MAPK10: variants seen among roughly 807,000 people sequenced by gnomAD.
MAPK10 encodes the protein JNK3 alpha protein kinase.
MAPK10 carries 25 observed loss-of-function variants against 59.3 expected under a neutral mutation model. That is an observed-to-expected ratio of 0.42 (90% confidence interval 0.31 to 0.59). The LOEUF is 0.59. Ranked by LOEUF, MAPK10 falls within the 20% of genes least tolerant of loss-of-function variation. The probability of loss-of-function intolerance (pLI) is 0.15; values close to 1 mark genes in which losing one functional copy is unlikely to be tolerated. For synonymous variants in MAPK10, 190 were observed against 200.5 expected, an observed-to-expected ratio of 0.95 and a Z score of 0.44; for missense variants, 351 against 568.9, an observed-to-expected ratio of 0.62 and a Z score of 3.90.
chr4:86,279,866 T>C (rs1249365031), intron 2 of MAPK10, among the ~76,000 whole-genome samples: 3 of 152,176 alleles, frequency 2.0e-5, no homozygotes, highest in African/African-American at 7.2e-5. Context: ...TTCCCGCCCA[T>C]CTTCCAACCC....
chr4:86,287,979 C>A (rs928439682), intron 2 of MAPK10, among the ~76,000 whole-genome samples: 1 of 151,986 alleles, frequency 6.6e-6, no homozygotes, highest in Non-Finnish European at 1.5e-5. Flanking sequence ...GAGGTGATGA[C>A]CAAGATCAAA....
intron 3 of MAPK10, among the ~76,000 whole-genome samples, chr4:86,180,489 CAA>C (rs34911547): frequency 2.6e-5 from 2 of 77,500 alleles, no homozygotes; most frequent in Non-Finnish European, 2.5e-5. Flanking sequence ...GGGTGTTCAT[CAA>C]AAAAAAAAAA....
In MAPK10 at chr4:86,103,075, C is replaced by CTGCGTGTGTGTGTGTG; in HGVS notation, c.425+110_425+111insCACACACACACACGCA. On this transcript the variant is annotated intron_variant, in intron 6 of 13. Transcript: ENST00000641462. ...TTGAGCAGTATAAGGGATTTCAACT[C>CTGCGTGTGTGTGTGTG]TGTGTGTGTGTGTGTGTGTGTGTGT... 6.0e-6 allele frequency: 3 copies of CTGCGTGTGTGTGTGTG among 496,826 alleles called. No individual in the cohort carries two copies. In the South Asian group the frequency reaches 6.3e-5, roughly 10 times the overall value. 30.8% of individuals were successfully genotyped at this position (496,826 alleles called of 1,614,324 possible).
At chr4:86,566,512 T>C (rs1454853461) in intron 1 of MAPK10, among the ~76,000 whole-genome samples, 2 of 151,442 alleles carry the variant, frequency 1.3e-5, no homozygotes, top group Admixed American at 1.3e-4. Flanking sequence ...TCAGGAATTC[T>C]AGACCAGCCT....
At chr4:86,391,790 T>C (rs1170371760) in intron 1 of MAPK10, among the ~76,000 whole-genome samples, 2 of 152,156 alleles carry the variant, frequency 1.3e-5, no homozygotes, top group Admixed American at 6.5e-5. Context: ...ACGTGAACCA[T>C]TGTCTTTTGA....
At chr4:86,207,538 T>G (rs569763365) in intron 2 of MAPK10, among the ~76,000 whole-genome samples, 2 of 152,264 alleles carry the variant, frequency 1.3e-5, no homozygotes, top group African/African-American at 4.8e-5. Context: ...GGGCTCTTTT[T>G]TGGTTCCATA....
chr4:86,551,746 A>G (rs1280732943), intron 1 of MAPK10, among the ~76,000 whole-genome samples: 1 of 152,132 alleles, frequency 6.6e-6, no homozygotes, highest in Admixed American at 6.6e-5. Context: ...CTGGAATCAC[A>G]GGAGGGCACC....
chr4:86,565,691 G>C (rs1170228717), intron 1 of MAPK10, among the ~76,000 whole-genome samples: 1 of 152,194 alleles, frequency 6.6e-6, no homozygotes, highest in Non-Finnish European at 1.5e-5. Flanking sequence ...CCCAGGAATA[G>C]ATTAGATTTA....
chr4:86,397,352 AGATAGATG>A, intron 1 of MAPK10, among the ~76,000 whole-genome samples: 1 of 152,312 alleles, frequency 6.6e-6, no homozygotes, highest in Non-Finnish European at 1.5e-5. Flanking sequence ...AGTGTGTTAC[AGATAGATG>A]GATATCTCTA....
At chr4:86,025,598 G>T (rs1189968621) in intron 13 of MAPK10, 1 of 397,708 alleles carries the variant, frequency 2.5e-6, no homozygotes, top group Non-Finnish European at 4.4e-6. Flanking sequence ...GAAAACAGTA[G>T]AGATACACAT....
chr4:86,399,394 G>T (rs182433083), intron 1 of MAPK10, among the ~76,000 whole-genome samples: 1 of 152,234 alleles, frequency 6.6e-6, no homozygotes, highest in African/African-American at 2.4e-5. Flanking sequence ...TCAGCCACTT[G>T]TATGTCTTCT....
rs543806949 is a variant in MAPK10, at chr4:86,089,618, A to G, written c.802+8906T>C. ...AGAATCCTACTGATTTTTATCATAAATTATTCTAGATAGTGTTAATATGCA... is the reference window on the plus strand; with the variant it reads ...AGAATCCTACTGATTTTTATCATAAGTTATTCTAGATAGTGTTAATATGCA... On this transcript the variant is annotated intron_variant, in intron 9 of 13. Transcript: ENST00000641462. 4.3e-5 allele frequency: 8 copies of G among 187,928 alleles called. 1 individual carries two copies. In the South Asian group the frequency reaches 1.2e-3, roughly 29 times the overall value. 11.6% of individuals were successfully genotyped at this position (187,928 alleles called of 1,614,324 possible). A position where few individuals can be genotyped will look rare whatever the true frequency, so the allele number is the denominator to read the frequency against.
chr4:86,567,025 C>T (rs761288993), intron 1 of MAPK10, among the ~76,000 whole-genome samples: 2 of 152,028 alleles, frequency 1.3e-5, no homozygotes, highest in Admixed American at 6.6e-5. Context: ...GAGCTGTGAT[C>T]GCTCCAGCCT....
At chr4:86,521,284 T>C (rs566719122) in intron 1 of MAPK10, among the ~76,000 whole-genome samples, 4 of 152,154 alleles carry the variant, frequency 2.6e-5, no homozygotes, top group Admixed American at 2.0e-4. Context: ...AGAAGGGGGA[T>C]ATAATCTTAC....
At chr4:86,468,544 G>A (rs1752400584) in intron 1 of MAPK10, among the ~76,000 whole-genome samples, 4 of 152,110 alleles carry the variant, frequency 2.6e-5, no homozygotes, top group Admixed American at 2.6e-4. Flanking sequence ...AAAATGTCCT[G>A]ATGATATAAG....
At chr4:86,121,361 T>G (rs539992431) in intron 4 of MAPK10, among the ~76,000 whole-genome samples, 1 of 152,284 alleles carries the variant, frequency 6.6e-6, no homozygotes, top group East Asian at 1.9e-4. Context: ...GTCTCTTTTA[T>G]AAGGGCACTA....
chr4:86,103,302 A>G lies in MAPK10; in HGVS notation c.367-58T>C. 1.1e-5 allele frequency: 10 copies of G among 905,370 alleles called. 1 individual carries two copies. In the South Asian group the frequency reaches 1.2e-4, roughly 11 times the overall value. 56.1% of individuals were successfully genotyped at this position (905,370 alleles called of 1,614,324 possible). ...GAGAAAGAAAAAAGAGAGAGAATGT[A>G]TTATTTTTAAATTGTATTTCAACTC... On this transcript the variant is annotated intron_variant, in intron 5 of 13. Transcript: ENST00000641462.
chr4:86,457,786 T>C (rs1318816761), upstream of MAPK10, among the ~76,000 whole-genome samples: 1 of 152,064 alleles, frequency 6.6e-6, no homozygotes, highest in Admixed American at 6.6e-5. Flanking sequence ...ACCATCATTC[T>C]TCACAGAATT....
At chr4:86,096,117 T>C (rs2054177474) in intron 9 of MAPK10, among the ~76,000 whole-genome samples, 1 of 151,542 alleles carries the variant, frequency 6.6e-6, no homozygotes, top group South Asian at 2.1e-4. Context: ...AAGAAATATA[T>C]ATATTTATAT....
Sources: gnomAD v4.1 joint callset for allele counts (sites outside exome capture counted in the v4.1 genomes callset) on GRCh38, gnomAD v4.1.1 for gene constraint, MANE v1.5 for transcripts, NCBI Gene and HGNC (gene_info 2026-07-23, HGNC 2026-07-21) for gene names.